Variants in OTOF observed in about 807,000 individuals in gnomAD.
OTOF encodes otoferlin, also known as fer-1-like family member 2.
A neutral mutation model predicts 236.8 loss-of-function variants in OTOF; 218 were observed. The ratio of observed to expected loss-of-function variants is 0.92; its 90% CI spans 0.82 to 1.03. OTOF has a LOEUF of 1.03. Ranked by LOEUF, OTOF falls within the 50% of genes least tolerant of loss-of-function variation. OTOF has a pLI of 0.00. For synonymous variants in OTOF, 1,041 were observed against 1,072.5 expected, an observed-to-expected ratio of 0.97 and a Z score of 0.57; for missense variants, 2,590 against 2,694.4, an observed-to-expected ratio of 0.96 and a Z score of 0.86.
chr2:26,543,585 C>T (rs1337351976), intron 1 of OTOF, among the ~76,000 whole-genome samples: 1 of 124,654 alleles, frequency 8.0e-6, no homozygotes, highest in East Asian at 7.1e-4. Flanking sequence ...CTTCTCTTTG[C>T]CCTTGTTTCC....
intron 2 of OTOF, among the ~76,000 whole-genome samples, chr2:26,529,748 C>T (rs1355183247): frequency 6.6e-6 from 1 of 151,854 alleles, no homozygotes; most frequent in Non-Finnish European, 1.5e-5. Context: ...GAGGACCTGG[C>T]CTTGGCATGA....
intron 11 of OTOF, among the ~76,000 whole-genome samples, chr2:26,488,163 T>A (rs1665746069): frequency 6.6e-6 from 1 of 152,202 alleles, no homozygotes; most frequent in South Asian, 2.1e-4. Flanking sequence ...CCACAAGCGA[T>A]CGCCAATTTG....
chr2:26,492,741 C>T (rs1395637191), intron 9 of OTOF, among the ~76,000 whole-genome samples: 2 of 152,164 alleles, frequency 1.3e-5, no homozygotes, highest in African/African-American at 2.4e-5. Context: ...GACAGAGACA[C>T]GGAGGACCAA....
Position 26,460,469 on chromosome 2 carries a change from C to A in OTOF, c.5813+178G>T, listed in dbSNP as rs1439378640. 6.6e-6 allele frequency among the ~76,000 whole-genome samples: 1 copy of A among 152,164 alleles called. No individual in the cohort carries two copies. Among genetic ancestry groups the A allele is most frequent in the East Asian group, 1.9e-4 (1 of 5,186 alleles). On this transcript the variant is annotated intron_variant, in intron 45 of 46. Transcript: ENST00000272371. The surrounding 1 kb of genome is among the most constrained non-coding windows in gnomAD (Gnocchi z 5.3). ...GGTCCTGCTCTCCAGTATTCCTAGC[C>A]CATCCTCTGGTTCAAAGGGACGTTG...
intron 30 of OTOF, among the ~76,000 whole-genome samples, chr2:26,471,797 A>C (rs949088026): frequency 6.6e-6 from 1 of 152,158 alleles, no homozygotes; most frequent in African/African-American, 2.4e-5. Flanking sequence ...ATGCATGCAC[A>C]CATATATGCA....
At chr2:26,549,647 T>C (rs1667411981) in intron 1 of OTOF, among the ~76,000 whole-genome samples, 1 of 152,226 alleles carries the variant, frequency 6.6e-6, no homozygotes, top group Non-Finnish European at 1.5e-5. Context: ...TAACCCACCC[T>C]GCTAACATCC....
In OTOF at chr2:26,477,441, C is replaced by T. The variant is rs80356592; in HGVS notation, c.2381G>A (p.Arg794His). 3,192 of 1,596,440 alleles carry T rather than the reference C, an allele frequency of 2.0e-3. 8 individuals carry two copies. The highest frequency in any genetic ancestry group is 2.5e-3 in the Non-Finnish European group (2,976 of 1,172,196). ...HSSRTRLDRE[R>H]LKSCMRELEN... ...CAGCTCCCTCATGCAGGACTTGAGGCGCTCCCGGTCAAGCCTGGTGCGGGA... is the reference window on the plus strand; with the variant it reads ...CAGCTCCCTCATGCAGGACTTGAGGTGCTCCCGGTCAAGCCTGGTGCGGGA... Residue 794 changes from arginine (R) to histidine (H), a missense_variant, in exon 20 of 47, where the codon CGC (arginine) becomes CAC (histidine). Arg to His is a conservative substitution (Grantham distance 29). Around this residue, in one of 2 missense-constraint regions of OTOF, gnomAD observed 1,379 missense variants for 1,341.6 expected, o/e 1.03. Coordinates refer to ENST00000272371, the MANE Select transcript of OTOF (RefSeq NM_194248.3). The surrounding 1 kb of genome is among the most constrained non-coding windows in gnomAD (Gnocchi z 4.7).
intron 35 of OTOF, 73 bp downstream of exon 35, chr2:26,467,026 G>T: frequency 1.9e-6 from 3 of 1,585,288 alleles, no homozygotes; most frequent in Non-Finnish European, 1.7e-6. Context: ...AGTGGTGGGA[G>T]GTGAGTGGGG....
chr2:26,466,813 GT>G lies in OTOF; in HGVS notation c.4400del (p.Asp1467AlafsTer55). 6.2e-7 allele frequency: 1 copy of G among 1,614,214 alleles called. No individual in the cohort carries two copies. Among genetic ancestry groups the G allele is most frequent in the Non-Finnish European group, 8.5e-7 (1 of 1,180,042 alleles). ...AGTCGTAGCCGGCTTCCCGGGACACGTCCTCTGGGAGTGGCACTTTGTACAC... is the reference window on the plus strand; with the variant it reads ...AGTCGTAGCCGGCTTCCCGGGACACGCCTCTGGGAGTGGCACTTTGTACAC... ...LCVYKVPLPE[D>X]VSREAGYDST... On this transcript the variant is annotated frameshift_variant, in exon 36 of 47. Transcript: ENST00000272371. LOFTEE classifies it high-confidence loss of function.
chr2:26,477,308 A>C lies in OTOF; in HGVS notation c.2407-20T>G. The C allele has an allele frequency of 6.2e-7, 1 of 1,605,976 alleles. No homozygotes were observed. Among genetic ancestry groups the C allele is most frequent in the Non-Finnish European group, 8.5e-7 (1 of 1,176,094 alleles). On this transcript the variant is annotated intron_variant, in intron 20 of 46. Transcript: ENST00000272371. This position sits in a 1 kb window ranked among gnomAD's most constrained non-coding sequence, Gnocchi z 4.7. Reference sequence around the variant, plus strand: ...GTTTTCCTGCGAAGGAGGGGGTGTCAGTGAACCCAGCAACTGGGGGACAGC... The same window carrying C: ...GTTTTCCTGCGAAGGAGGGGGTGTCCGTGAACCCAGCAACTGGGGGACAGC...
At chr2:26,463,261 G>C (rs1374966136) in intron 41 of OTOF, among the ~76,000 whole-genome samples, 1 of 152,210 alleles carries the variant, frequency 6.6e-6, no homozygotes, top group African/African-American at 2.4e-5. Context: ...GGAAGGCGTT[G>C]TCCTGCCTTA....
At chr2:26,490,454 G>C (rs1312346974) in intron 9 of OTOF, among the ~76,000 whole-genome samples, 1 of 152,226 alleles carries the variant, frequency 6.6e-6, no homozygotes, top group African/African-American at 2.4e-5. Flanking sequence ...ATGCACATTT[G>C]CAGTCCCCAT....
Position 26,503,771 on chromosome 2 carries a change from C to T in OTOF, c.583+1G>A. On this transcript the variant is annotated splice_donor_variant, in intron 6 of 46. Transcript: ENST00000272371. LOFTEE classifies it high-confidence loss of function. Reference sequence around the variant, plus strand: ...CGGGGCTCACGCGGCACCTGTCCTACCTGGTCTTTGGGGCTCCTCCTTGTG... The same window carrying T: ...CGGGGCTCACGCGGCACCTGTCCTATCTGGTCTTTGGGGCTCCTCCTTGTG... 3.1e-6 allele frequency: 5 copies of T among 1,613,486 alleles called. No homozygotes were observed. Among genetic ancestry groups the T allele is most frequent in the Admixed American group, 1.7e-5 (1 of 60,032 alleles).
At position 26,473,676 on chromosome 2, in the gene OTOF, T is replaced by C; in HGVS notation, c.3409-109A>G. ...GGGAACCGGGCAGTGGGATGGGCAG[T>C]AGTTCACCCCAGATTTCAAAGGGTG... On this transcript the variant is annotated intron_variant, in intron 27 of 46. Coordinates refer to ENST00000272371, the MANE Select transcript of OTOF (RefSeq NM_194248.3). The surrounding 1 kb of genome is among the most constrained non-coding windows in gnomAD (Gnocchi z 7.2). 8.8e-7 allele frequency: 1 copy of C among 1,136,680 alleles called. No individual in the cohort carries two copies. Among genetic ancestry groups the C allele is most frequent in the Non-Finnish European group, 1.2e-6 (1 of 802,852 alleles). 70.4% of individuals were successfully genotyped at this position (1,136,680 alleles called of 1,614,324 possible).
At position 26,483,733 on chromosome 2, in the gene OTOF, G is replaced by A; in HGVS notation, c.1206-85C>T. 5 of 1,244,846 alleles carry A rather than the reference G, an allele frequency of 4.0e-6. No homozygotes were observed. The South Asian group carries it at 6.4e-5, about 16-fold the overall frequency. The allele number at this position is 1,244,846 out of a possible 1,614,324, so 77.1% of individuals were successfully genotyped here. A position where few individuals can be genotyped will look rare whatever the true frequency, so the allele number is the denominator to read the frequency against. On this transcript the variant is annotated intron_variant, in intron 12 of 46. Coordinates refer to ENST00000272371, the MANE Select transcript of OTOF (RefSeq NM_194248.3). ...GGCATCTACACACTCCTGGGTCCTG[G>A]CACAGTCTCTAAGGGACAGCTGAGG...
At position 26,466,866 on chromosome 2, in the gene OTOF, T is replaced by C; in HGVS notation, c.4363-15A>G. The C allele has an allele frequency of 6.2e-7, 1 of 1,613,982 alleles. No individual in the cohort carries two copies. Among genetic ancestry groups the C allele is most frequent in the Non-Finnish European group, 8.5e-7 (1 of 1,179,986 alleles). On this transcript the variant is annotated splice_polypyrimidine_tract_variant and intron_variant, in intron 35 of 46. Coordinates refer to ENST00000272371, the MANE Select transcript of OTOF (RefSeq NM_194248.3). Reference sequence around the variant, plus strand: ...CAGAGGGAGCCCTGGGCAAGACAAATGTGGGTCAGGGTGTAGGTTTGCCTG... The same window carrying C: ...CAGAGGGAGCCCTGGGCAAGACAAACGTGGGTCAGGGTGTAGGTTTGCCTG...
rs4335905 is a variant in OTOF at position 26,476,258 on chromosome 2, C to G, written c.2736G>C (p.Leu912=). The change falls in exon 23 of 47, where the codon CTG becomes CTC. Residue 912 remains leucine, a synonymous_variant. Transcript: ENST00000272371. The part of the protein sequence containing the change: ...AGWTVQAKVE[L]YLWLGLSKQR... ...GTTTGCTGAGGCCCAGCCACAGGTA[C>G]AGCTCCACCTTGGCCTGCACTGTCC... The G allele has an allele frequency of 0.49, 788,826 of 1,606,032 alleles. 205,642 individuals are homozygous for G. Among genetic ancestry groups the G allele is most frequent in the East Asian group, 0.98 (43,844 of 44,838 alleles).
Position 26,477,044 on chromosome 2 carries a change from CTGGGGGT to C in OTOF, c.2524-8_2524-2del. On this transcript the variant is annotated splice_acceptor_variant and splice_polypyrimidine_tract_variant and intron_variant, in intron 21 of 46. Coordinates refer to ENST00000272371, the MANE Select transcript of OTOF (RefSeq NM_194248.3). LOFTEE classifies it high-confidence loss of function. The surrounding 1 kb of genome is among the most constrained non-coding windows in gnomAD (Gnocchi z 4.7). ...AGATGTCGGGAATGCTGTGCTGGGG[CTGGGGGT>C]TGGGGGGTGGCCAGGGGCAGTGGGT... The C allele has an allele frequency of 9.3e-7, 1 of 1,070,626 alleles. No individual in the cohort carries two copies. Among genetic ancestry groups the C allele is most frequent in the Non-Finnish European group, 1.4e-6 (1 of 720,948 alleles). 66.3% of individuals were successfully genotyped at this position (1,070,626 alleles called of 1,614,324 possible).
intron 46 of OTOF, among the ~76,000 whole-genome samples, chr2:26,459,601 T>C (rs962236267): frequency 6.7e-6 from 1 of 149,052 alleles, no homozygotes; most frequent in African/African-American, 2.5e-5. Context: ...GGGAGAAACA[T>C]GGCTGGGAGC....
Sources: allele counts gnomAD v4.1 joint callset (sites outside exome capture counted in the v4.1 genomes callset), GRCh38; gene constraint gnomAD v4.1.1; regional missense constraint gnomAD v4.1.1; non-coding constraint Gnocchi (gnomAD v3.1); transcripts MANE v1.5; gene names NCBI Gene and HGNC (gene_info 2026-07-23, HGNC 2026-07-21).